The following LHFPL3 variants were observed in gnomAD, a reference collection of about 807,000 sequenced individuals.
LHFPL3 encodes LHFPL tetraspan subfamily member 3 protein.
In LHFPL3, 5 loss-of-function variants were observed where a neutral mutation model predicts 19.3. The ratio of observed to expected loss-of-function variants is 0.26; its 90% CI spans 0.14 to 0.54. The LOEUF (loss-of-function observed/expected upper bound fraction) is 0.54, where lower values mean the gene tolerates loss of function less well. Among genes scored for constraint, LHFPL3 ranks in the 20% least tolerant of loss-of-function variants. The pLI is 0.94. For synonymous variants in LHFPL3, 133 were observed against 126.2 expected (o/e 1.05, Z -0.36); for missense variants, 249 against 307.4 (o/e 0.81, Z 1.42).
chr7:104,363,873 T>G (rs1383004906), intron 1 of LHFPL3, among the ~76,000 whole-genome samples: 1 of 152,168 alleles, frequency 6.6e-6, no homozygotes, highest in Non-Finnish European at 1.5e-5. Flanking sequence ...CAGAATAGGT[T>G]TGATTTAATT....
chr7:104,587,771 T>C (rs552227959), intron 1 of LHFPL3, among the ~76,000 whole-genome samples: 2,132 of 152,104 alleles, frequency 0.014, 97 homozygotes, highest in East Asian at 0.12. Context: ...CCACATCCTC[T>C]CCAGCACCTG....
At chr7:104,870,687 G>A (rs187830033) in intron 2 of LHFPL3, among the ~76,000 whole-genome samples, 98 of 152,300 alleles carry the variant, frequency 6.4e-4, no homozygotes, top group African/African-American at 2.3e-3. Flanking sequence ...CCCAGCTGAT[G>A]CAGAGAAGAA....
intron 1 of LHFPL3, among the ~76,000 whole-genome samples, chr7:104,614,633 CTTCTCTTCTCTTCTCTTCTCTCCTTCCT>C (rs1359759966): frequency 2.8e-5 from 4 of 140,648 alleles, no homozygotes; most frequent in African/African-American, 8.1e-5. Context: ...CTTCTCTTCT[CTTCTCTTCTCTTCTCTTCTCTCCTTCCT>C]TCCTTCCTTC....
intron 1 of LHFPL3, among the ~76,000 whole-genome samples, chr7:104,570,721 GA>G (rs1790215702): frequency 6.6e-6 from 1 of 151,990 alleles, no homozygotes; most frequent in Non-Finnish European, 1.5e-5. Context: ...GGGTACCTGT[GA>G]AAGTTTGTTA....
At chr7:104,748,061 C>T (rs1794084637) in intron 2 of LHFPL3, among the ~76,000 whole-genome samples, 1 of 151,858 alleles carries the variant, frequency 6.6e-6, no homozygotes, top group African/African-American at 2.4e-5. Flanking sequence ...ACCCCCAACC[C>T]CGTGCTCTCT....
At chr7:104,484,723 G>C (rs575831042) in intron 1 of LHFPL3, among the ~76,000 whole-genome samples, 7 of 152,298 alleles carry the variant, frequency 4.6e-5, no homozygotes, top group Admixed American at 1.3e-4. Context: ...CCTGCACCTG[G>C]TCAGGGTGTT....
At chr7:104,863,278 T>C (rs1452314699) in intron 2 of LHFPL3, among the ~76,000 whole-genome samples, 1 of 152,216 alleles carries the variant, frequency 6.6e-6, no homozygotes, top group Non-Finnish European at 1.5e-5. Flanking sequence ...TACTGGAGAC[T>C]CACTATTCCT....
In LHFPL3 at chr7:104,328,731, G is replaced by A. The variant is rs1456362434; in HGVS notation, c.-49G>A. The stretch of plus-strand genomic sequence containing the variant: ...GTGTCTCCTGCGCGCTGAGAGGCGG[G>A]GGGAGGCGGAGGACCAGGAGGAGGA... On this transcript the variant is annotated 5_prime_UTR_variant, in exon 1 of 3. Coordinates refer to ENST00000424859, the MANE Select transcript of LHFPL3 (RefSeq NM_199000.3). The surrounding 1 kb of genome is among the most constrained non-coding windows in gnomAD (Gnocchi z 4.6). 4.0e-6 allele frequency: 6 copies of A among 1,485,432 alleles called. No individual in the cohort carries two copies. Among genetic ancestry groups the A allele is most frequent in the African/African-American group, 1.4e-5 (1 of 69,474 alleles). The allele number at this position is 1,485,432 out of a possible 1,614,324, so 92.0% of individuals were successfully genotyped here. A position where few individuals can be genotyped will look rare whatever the true frequency, so the allele number is the denominator to read the frequency against.
chr7:104,657,476 C>G (rs1455815578), intron 1 of LHFPL3, among the ~76,000 whole-genome samples: 1 of 130,650 alleles, frequency 7.7e-6, no homozygotes, highest in Non-Finnish European at 1.7e-5. Flanking sequence ...TTGGATATAC[C>G]AATGTCTTGT....
intron 2 of LHFPL3, among the ~76,000 whole-genome samples, chr7:104,848,413 C>A (rs536116415): frequency 6.6e-6 from 1 of 152,282 alleles, no homozygotes; most frequent in South Asian, 2.1e-4. Flanking sequence ...ACTAGTTGGT[C>A]TTCCCGCTGA....
intron 2 of LHFPL3, among the ~76,000 whole-genome samples, chr7:104,858,796 T>A (rs1457192584): frequency 6.6e-6 from 1 of 152,136 alleles, no homozygotes; most frequent in African/African-American, 2.4e-5. Context: ...TTCGAGTCTG[T>A]CAATTACTTT....
intron 2 of LHFPL3, among the ~76,000 whole-genome samples, chr7:104,765,889 T>C (rs1794449079): frequency 6.6e-6 from 1 of 152,220 alleles, no homozygotes; most frequent in South Asian, 2.1e-4. Flanking sequence ...GCAGAAGTGT[T>C]CAGGACAAGT....
chr7:104,427,085 G>A lies in LHFPL3; in HGVS notation c.445+97861G>A, dbSNP rs114296453. On this transcript the variant is annotated intron_variant, in intron 1 of 2. Transcript: ENST00000424859. Reference sequence around the variant, plus strand: ...AGTTCTAGTGATTCTAAGACCTAACGTCTCGAGGTTTTCACAGTGTATTTA... The same window carrying A: ...AGTTCTAGTGATTCTAAGACCTAACATCTCGAGGTTTTCACAGTGTATTTA... 4.0e-3 allele frequency among the ~76,000 whole-genome samples: 604 copies of A among 152,288 alleles called. 6 individuals are homozygous for A. Among genetic ancestry groups the A allele is most frequent in the African/African-American group, 0.013 (553 of 41,564 alleles).
At chr7:104,572,530 T>C (rs1790248579) in intron 1 of LHFPL3, among the ~76,000 whole-genome samples, 1 of 152,222 alleles carries the variant, frequency 6.6e-6, no homozygotes, top group South Asian at 2.1e-4. Context: ...GGAACATTCT[T>C]AATAATAGTC....
chr7:104,648,112 C>T (rs373417015), intron 1 of LHFPL3, among the ~76,000 whole-genome samples: 15 of 152,146 alleles, frequency 9.9e-5, no homozygotes, highest in Non-Finnish European at 8.8e-5. Flanking sequence ...CTGACTAGGC[C>T]GGGCCATTTC....
intron 1 of LHFPL3, among the ~76,000 whole-genome samples, chr7:104,649,660 C>T (rs1014716357): frequency 6.6e-6 from 1 of 152,116 alleles, no homozygotes; most frequent in African/African-American, 2.4e-5. Flanking sequence ...TGGAAGGGCA[C>T]AAGACTGTTA....
chr7:104,329,050 A>C lies in LHFPL3; in HGVS notation c.271A>C (p.Arg91=), dbSNP rs971650884. Residue 91 remains arginine (R), a synonymous_variant, in exon 1 of 3, where the codon AGG becomes CGG. Coordinates refer to ENST00000424859, the MANE Select transcript of LHFPL3 (RefSeq NM_199000.3). ...GNGFSRELTC[R]GSFTDFSTLP... ...CGGCTTCTCCCGGGAGCTGACCTGCAGGGGCAGCTTCACGGACTTCTCCAC... is the reference window on the plus strand; with the variant it reads ...CGGCTTCTCCCGGGAGCTGACCTGCCGGGGCAGCTTCACGGACTTCTCCAC... 5.0e-6 allele frequency: 8 copies of C among 1,613,904 alleles called. No individual in the cohort carries two copies. The African/African-American group carries it at 8.0e-5, about 16-fold the overall frequency.
chr7:104,392,355 G>A (rs1268174913), intron 1 of LHFPL3, among the ~76,000 whole-genome samples: 93 of 151,934 alleles, frequency 6.1e-4, no homozygotes, highest in African/African-American at 2.0e-3. Flanking sequence ...TTTGAGATAT[G>A]TCCCATCAAT....
chr7:104,626,403 T>C (rs1282563481), intron 1 of LHFPL3, among the ~76,000 whole-genome samples: 2 of 152,180 alleles, frequency 1.3e-5, no homozygotes, highest in Admixed American at 6.5e-5. Flanking sequence ...TTCCTCTGGT[T>C]TGCATTTAAG....
Sources: gnomAD v4.1 joint callset for allele counts (sites outside exome capture counted in the v4.1 genomes callset) on GRCh38, gnomAD v4.1.1 for gene constraint, Gnocchi (gnomAD v3.1) non-coding constraint, MANE v1.5 for transcripts, NCBI Gene and HGNC (gene_info 2026-07-23, HGNC 2026-07-21) for gene names.